ZNF540: variants seen among roughly 807,000 people sequenced by gnomAD.
ZNF540 encodes CTD-3064H18.6.
Under a neutral mutation model 11.8 loss-of-function variants are expected in ZNF540, and 3 were observed. That is an observed-to-expected ratio of 0.25 (90% confidence interval 0.12 to 0.65). The LOEUF is 0.65. Ranked by LOEUF, ZNF540 falls within the 30% of genes least tolerant of loss-of-function variation. The pLI is 0.83. For synonymous variants in ZNF540, 247 were observed against 259.0 expected (o/e 0.95, Z 0.45); for missense variants, 709 against 793.1 (o/e 0.89, Z 1.27).
At chr19:37,578,153 G>C (rs563987556) in intron 1 of ZNF540, among the ~76,000 whole-genome samples, 1 of 152,136 alleles carries the variant, frequency 6.6e-6, no homozygotes, top group South Asian at 2.1e-4. Flanking sequence ...TTCCCCTCTC[G>C]CCCCACTCCC....
chr19:37,569,015 C>T lies in ZNF540; in HGVS notation c.-73+17350C>T, dbSNP rs541101215. Among the ~76,000 whole-genome samples the T allele has an allele frequency of 6.6e-6, 1 of 151,470 alleles. No homozygotes were observed. The highest frequency in any genetic ancestry group is 1.5e-5 in the Non-Finnish European group (1 of 67,836). On this transcript the variant is annotated intron_variant, in intron 1 of 4. Coordinates refer to the ZNF540 transcript ENST00000592533. This position sits in a 1 kb window ranked among gnomAD's most constrained non-coding sequence, Gnocchi z 4.4. ...TCTGTCATCCAGGCTGGAGTGCAGT[C>T]GTGCCATCTCAGCTCACTGCAACCT...
chr19:37,566,209 C>T lies in ZNF540; in HGVS notation c.-73+14544C>T, dbSNP rs1360377533. On this transcript the variant is annotated intron_variant, in intron 1 of 4. Transcript: ENST00000592533. ...GAAGGTGATGGTTGATACGTTTCCCCATATTCTCCCACTGGAGTGATTCCA... is the reference window on the plus strand; with the variant it reads ...GAAGGTGATGGTTGATACGTTTCCCTATATTCTCCCACTGGAGTGATTCCA... 6.2e-7 allele frequency: 1 copy of T among 1,613,948 alleles called. No individual in the cohort carries two copies. Among genetic ancestry groups the T allele is most frequent in the Admixed American group, 1.7e-5 (1 of 60,014 alleles).
At chr19:37,576,257 T>C (rs1475889419) in intron 1 of ZNF540, among the ~76,000 whole-genome samples, 2 of 152,214 alleles carry the variant, frequency 1.3e-5, no homozygotes, top group African/African-American at 2.4e-5. Context: ...TATAAGCTAA[T>C]GTAGCTTAAT....
intron 1 of ZNF540, among the ~76,000 whole-genome samples, chr19:37,568,799 T>C (rs1001141692): frequency 1.3e-5 from 2 of 152,136 alleles, no homozygotes; most frequent in African/African-American, 4.8e-5. Context: ...AAAGGGGTGA[T>C]GAGTGAAGAC....
chr19:37,612,859 G>A lies in ZNF540; in HGVS notation c.1579G>A (p.Glu527Lys). 1 of 1,614,068 alleles carries A rather than the reference G, an allele frequency of 6.2e-7. No homozygotes were observed. Among genetic ancestry groups the A allele is most frequent in the Non-Finnish European group, 8.5e-7 (1 of 1,180,004 alleles). ...TGGTGAAAAGCCCTATAAATGTAAA[G>A]AATGTGGAAAGGCCTTTATTCGTAG... ...HTGEKPYKCK[E>K]CGKAFIRRGN... The change falls in exon 5 of 5, where the codon GAA becomes AAA. Residue 527 changes from glutamate (E) to lysine (K), a missense_variant. Glu to Lys is a moderately conservative substitution (Grantham distance 56, BLOSUM62 1). Transcript: ENST00000316433.
rs1230270987 is a variant in ZNF540, at chr19:37,568,169, T to C, written c.-73+16504T>C. On this transcript the variant is annotated intron_variant, in intron 1 of 4. Coordinates refer to the ZNF540 transcript ENST00000592533. ...GTCTCTGACCACTGTATATAGGCTGTAGAATAACAAAGACTGGTCATGGGA... is the reference window on the plus strand; with the variant it reads ...GTCTCTGACCACTGTATATAGGCTGCAGAATAACAAAGACTGGTCATGGGA... Among the ~76,000 whole-genome samples the C allele has an allele frequency of 5.3e-5, 8 of 152,154 alleles. No individual in the cohort carries two copies. In the East Asian group the frequency reaches 5.8e-4, roughly 11 times the overall value.
chr19:37,586,327 G>A, intron 1 of ZNF540: 1 of 226,620 alleles, frequency 4.4e-6, no homozygotes, highest in Non-Finnish European at 8.5e-6. Flanking sequence ...ATTTTGTCAT[G>A]TATCACATTT....
intron 1 of ZNF540, among the ~76,000 whole-genome samples, chr19:37,587,958 G>C (rs1265676554): frequency 1.3e-5 from 2 of 151,922 alleles, no homozygotes; most frequent in Admixed American, 6.6e-5. Context: ...AAATTAGCCA[G>C]GCATGGTGGC....
chr19:37,561,565 A>G (rs2042717862), intron 1 of ZNF540, among the ~76,000 whole-genome samples: 1 of 152,224 alleles, frequency 6.6e-6, no homozygotes. Flanking sequence ...GGTCTTCTCA[A>G]CCTTTTAATT....
intron 1 of ZNF540, among the ~76,000 whole-genome samples, chr19:37,584,442 A>G (rs778411028): frequency 7.2e-5 from 11 of 152,210 alleles, no homozygotes; most frequent in South Asian, 2.1e-4. Context: ...TATACTCTCA[A>G]TTAATACAAG....
At chr19:37,565,179 T>C in intron 1 of ZNF540, 2 of 1,613,592 alleles carry the variant, frequency 1.2e-6, no homozygotes, top group East Asian at 2.2e-5. Context: ...TTGTAGGGCT[T>C]CTCTCCGGTA....
At chr19:37,582,128 A>G (rs1352239113) in intron 1 of ZNF540, among the ~76,000 whole-genome samples, 1 of 152,156 alleles carries the variant, frequency 6.6e-6, no homozygotes, top group African/African-American at 2.4e-5. Context: ...TGGGCCTTCA[A>G]CAGTGCCTGG....
chr19:37,606,396 T>G (rs1489875842), intron 4 of ZNF540, among the ~76,000 whole-genome samples: 1 of 152,272 alleles, frequency 6.6e-6, no homozygotes, highest in African/African-American at 2.4e-5. Flanking sequence ...AGTATACATA[T>G]CATTGTGTGG....
chr19:37,558,620 A>C (rs528271886), intron 1 of ZNF540, among the ~76,000 whole-genome samples: 2 of 152,128 alleles, frequency 1.3e-5, no homozygotes, highest in Non-Finnish European at 2.9e-5. Flanking sequence ...GGGTAGAGAG[A>C]AAGACCTCTG....
chr19:37,556,575 A>G (rs186136927), intron 1 of ZNF540, among the ~76,000 whole-genome samples: 13 of 152,332 alleles, frequency 8.5e-5, no homozygotes, highest in Non-Finnish European at 1.6e-4. Flanking sequence ...TCCTGGCTGG[A>G]ACGAATGGCA....
intron 4 of ZNF540, 195 bp from the exon 5 acceptor site, chr19:37,611,318 C>T (rs1451641872): frequency 1.4e-5 from 6 of 423,186 alleles, no homozygotes; most frequent in Non-Finnish European, 2.1e-5. Context: ...TGAGCCACCG[C>T]GCCCGGCTAT....
chr19:37,571,913 G>T (rs1469319284), intron 1 of ZNF540, among the ~76,000 whole-genome samples: 1 of 152,188 alleles, frequency 6.6e-6, no homozygotes, highest in Admixed American at 6.5e-5. Flanking sequence ...GTTAGCAGTT[G>T]ATAGCCTTAC....
chr19:37,604,315 T>TTTTTTTC lies in ZNF540; in HGVS notation c.232+3216_232+3217insCTTTTTT, dbSNP rs1241050768. Among the ~76,000 whole-genome samples the TTTTTTTC allele has an allele frequency of 2.6e-3, 299 of 113,846 alleles. 10 individuals carry two copies. Among genetic ancestry groups the TTTTTTTC allele is most frequent in the African/African-American group, 9.3e-3 (282 of 30,188 alleles). The allele number at this position is 113,846 out of a possible 152,430, so 74.7% of individuals were successfully genotyped here. On this transcript the variant is annotated intron_variant, in intron 4 of 4. Coordinates refer to ENST00000316433, the MANE Select transcript of ZNF540 (RefSeq NM_001172225.3). ...GCCTTACTTTTTTTTTTTTTTTTTT[T>TTTTTTTC]TTTTTTTTTTAAGGCGGAGTCTCGC...
chr19:37,570,937 A>C (rs1488950317), intron 1 of ZNF540, among the ~76,000 whole-genome samples: 1 of 152,226 alleles, frequency 6.6e-6, no homozygotes, highest in Admixed American at 6.5e-5. Context: ...CATTACTAAA[A>C]TTAATAGGCT....
Sources: gnomAD v4.1 joint callset for allele counts (sites outside exome capture counted in the v4.1 genomes callset) on GRCh38, gnomAD v4.1.1 for gene constraint, Gnocchi (gnomAD v3.1) non-coding constraint, MANE v1.5 for transcripts, NCBI Gene and HGNC (gene_info 2026-07-23, HGNC 2026-07-21) for gene names.